Variants in SPINK13 observed in about 807,000 individuals in gnomAD.
The protein encoded by SPINK13 is serine protease inhibitor Kazal-type 13.
A neutral mutation model predicts 11.0 loss-of-function variants in SPINK13; 11 were observed. That is an observed-to-expected ratio of 1.00 (90% confidence interval 0.63 to 1.65). The LOEUF (loss-of-function observed/expected upper bound fraction) is 1.65. Among genes scored for constraint, SPINK13 ranks in the 40% most tolerant of loss-of-function variants. The probability of loss-of-function intolerance (pLI) is 0.00; values close to 1 mark genes in which losing one functional copy is unlikely to be tolerated. For synonymous variants in SPINK13, 31 were observed against 35.6 expected (o/e 0.87, Z 0.46); for missense variants, 113 against 117.7 (o/e 0.96, Z 0.19).
At chr5:148,279,947 A>G (rs1044830182) in intron 3 of SPINK13, among the ~76,000 whole-genome samples, 4 of 152,122 alleles carry the variant, frequency 2.6e-5, no homozygotes, top group South Asian at 2.1e-4. Flanking sequence ...GTCTTTTCAC[A>G]TAGTCCCATA....
At position 148,277,347 on chromosome 5, in the gene SPINK13, CT is replaced by C. The variant is rs1304594676; in HGVS notation, c.108+2965del. Among the ~76,000 whole-genome samples the C allele has an allele frequency of 7.2e-5, 11 of 152,132 alleles. No homozygotes were observed. In the East Asian group the frequency reaches 2.1e-3, roughly 29 times the overall value. ...GAGTGGTGAGAGAGGACATCCTTGC[CT>C]TGTGCTGGCTTTCAAAGGGAATGCT... On this transcript the variant is annotated intron_variant, in intron 3 of 4. Transcript: ENST00000398450.
intron 3 of SPINK13, among the ~76,000 whole-genome samples, chr5:148,278,789 T>C (rs1326264290): frequency 2.6e-5 from 4 of 152,232 alleles, no homozygotes; most frequent in Non-Finnish European, 5.9e-5. Flanking sequence ...TTAGGTCCAC[T>C]TGGTCCAGAG....
intron 4 of SPINK13, among the ~76,000 whole-genome samples, chr5:148,284,125 T>C (rs569350488): frequency 1.5e-4 from 18 of 117,814 alleles, no homozygotes; most frequent in African/African-American, 8.6e-4. Context: ...TCCCTTTCCT[T>C]CCTCTCTTCC....
chr5:148,282,005 A>C, intron 3 of SPINK13, 99 bp from the exon 4 acceptor site: 1 of 1,471,592 alleles, frequency 6.8e-7, no homozygotes, highest in Non-Finnish European at 9.2e-7. Flanking sequence ...ATTGACTGGT[A>C]TGATTTAATA....
chr5:148,279,252 T>C (rs1203178359), intron 3 of SPINK13, among the ~76,000 whole-genome samples: 4 of 152,146 alleles, frequency 2.6e-5, no homozygotes, highest in Non-Finnish European at 5.9e-5. Context: ...TCTGTGTCTT[T>C]TAATTGGGGC....
At chr5:148,279,048 G>A (rs548581016) in intron 3 of SPINK13, among the ~76,000 whole-genome samples, 35 of 146,214 alleles carry the variant, frequency 2.4e-4, no homozygotes, top group African/African-American at 8.9e-4. Context: ...GATCTTTGTT[G>A]GTTTAAAGTC....
intron 3 of SPINK13, among the ~76,000 whole-genome samples, chr5:148,275,941 G>A (rs192738754): frequency 5.0e-4 from 76 of 152,206 alleles, no homozygotes; most frequent in African/African-American, 1.8e-3. Flanking sequence ...GATTACAGAC[G>A]TGAGCCACTG....
At chr5:148,281,257 C>T (rs1756510009) in intron 3 of SPINK13, among the ~76,000 whole-genome samples, 1 of 152,170 alleles carries the variant, frequency 6.6e-6, no homozygotes, top group African/African-American at 2.4e-5. Context: ...GACCACTTGG[C>T]TCCCTGGCTT....
At chr5:148,279,037 T>G (rs1160510780) in intron 3 of SPINK13, among the ~76,000 whole-genome samples, 1 of 151,670 alleles carries the variant, frequency 6.6e-6, no homozygotes, top group East Asian at 1.9e-4. Flanking sequence ...TTGTCTCTTG[T>G]GATCTTTGTT....
rs180800626 is a variant in SPINK13 at position 148,280,089 on chromosome 5, G to A, written c.109-2015G>A. On this transcript the variant is annotated intron_variant, in intron 3 of 4. Transcript: ENST00000398450. ...TTGATTGATTTGGCTATTGATACTCGTGTATGCTTCATGAAGTTCTCATGC... is the reference window on the plus strand; with the variant it reads ...TTGATTGATTTGGCTATTGATACTCATGTATGCTTCATGAAGTTCTCATGC... Among the ~76,000 whole-genome samples the A allele has an allele frequency of 8.6e-5, 13 of 151,954 alleles. No homozygotes were observed. The East Asian group carries it at 1.9e-3, about 23-fold the overall frequency.
At chr5:148,272,506 C>G (rs1222482442) in intron 2 of SPINK13, among the ~76,000 whole-genome samples, 2 of 152,112 alleles carry the variant, frequency 1.3e-5, no homozygotes, top group African/African-American at 4.8e-5. Flanking sequence ...ATTGTTCTTT[C>G]CCCTTTGCCA....
At chr5:148,274,453 A>C in intron 3 of SPINK13, 69 bp downstream of exon 3, 1 of 1,349,602 alleles carries the variant, frequency 7.4e-7, no homozygotes, top group Non-Finnish European at 1.0e-6. Context: ...GAGAGATCTA[A>C]AACTTCATGG....
chr5:148,282,602 A>G (rs564040649), intron 4 of SPINK13, among the ~76,000 whole-genome samples: 1 of 152,364 alleles, frequency 6.6e-6, no homozygotes, highest in Non-Finnish European at 1.5e-5. Flanking sequence ...AGCACCTATC[A>G]GTGTTTGGTA....
chr5:148,269,581 G>A (rs1368178076), intron 1 of SPINK13, among the ~76,000 whole-genome samples: 1 of 152,142 alleles, frequency 6.6e-6, no homozygotes, highest in African/African-American at 2.4e-5. Context: ...GGAATCACAT[G>A]TTATAGGGTT....
chr5:148,275,786 G>A (rs1238869533), intron 3 of SPINK13, among the ~76,000 whole-genome samples: 2 of 151,258 alleles, frequency 1.3e-5, no homozygotes, highest in African/African-American at 2.4e-5. Flanking sequence ...TCAGCCTCCC[G>A]AGTAGCTGGG....
chr5:148,278,829 A>G (rs944121066), intron 3 of SPINK13, among the ~76,000 whole-genome samples: 4 of 152,134 alleles, frequency 2.6e-5, no homozygotes, highest in Admixed American at 1.3e-4. Context: ...ATCCTTGTTA[A>G]CTTTCTGTCT....
chr5:148,283,916 G>A (rs1014079970), intron 4 of SPINK13, among the ~76,000 whole-genome samples: 3 of 152,160 alleles, frequency 2.0e-5, no homozygotes, highest in Non-Finnish European at 4.4e-5. Context: ...AATGTGGGCC[G>A]TGATCTGCCG....
At chr5:148,271,729 G>C (rs1038703741) in intron 2 of SPINK13, among the ~76,000 whole-genome samples, 1 of 152,020 alleles carries the variant, frequency 6.6e-6, no homozygotes, top group Non-Finnish European at 1.5e-5. Context: ...GATTCACGCC[G>C]TTCTCCTGCC....
At chr5:148,285,205 T>C (rs1317892226) in intron 4 of SPINK13, among the ~76,000 whole-genome samples, 1 of 152,280 alleles carries the variant, frequency 6.6e-6, no homozygotes, top group East Asian at 1.9e-4. Flanking sequence ...TCTTTTGTGA[T>C]GGAAGTGGCT....
Sources: gnomAD v4.1 joint callset for allele counts (sites outside exome capture counted in the v4.1 genomes callset) on GRCh38, gnomAD v4.1.1 for gene constraint, MANE v1.5 for transcripts, NCBI Gene and HGNC (gene_info 2026-07-23, HGNC 2026-07-21) for gene names.